CSMD1: variants seen among roughly 807,000 people sequenced by gnomAD.
The protein encoded by CSMD1 is CUB and sushi domain-containing protein 1.
A neutral mutation model predicts 417.5 loss-of-function variants in CSMD1; 213 were observed. The observed-to-expected ratio is 0.51, with a 90% CI of 0.46 to 0.57. CSMD1 has a LOEUF of 0.57. CSMD1 is among the 20% of genes least tolerant of loss of function. The pLI, the probability that CSMD1 is intolerant of heterozygous loss-of-function variation, is 0.00. For synonymous variants in CSMD1, 2,862 were observed against 1,736.8 expected (o/e 1.65, Z -16.11); for missense variants, 6,923 against 4,529.7 (o/e 1.53, Z -15.17).
At chr8:3,988,779 C>G (rs1394015248) in intron 5 of CSMD1, among the ~76,000 whole-genome samples, 1 of 152,178 alleles carries the variant, frequency 6.6e-6, no homozygotes, top group African/African-American at 2.4e-5. Flanking sequence ...TGAAACAATG[C>G]TGATTATGGT....
chr8:4,080,206 T>G (rs990776066), intron 3 of CSMD1, among the ~76,000 whole-genome samples: 1 of 152,048 alleles, frequency 6.6e-6, no homozygotes, highest in Non-Finnish European at 1.5e-5. Context: ...AGCTCCCCAG[T>G]AGTAATAGTT....
intron 3 of CSMD1, among the ~76,000 whole-genome samples, chr8:4,110,981 G>C (rs1036096083): frequency 6.6e-6 from 1 of 152,208 alleles, no homozygotes. Flanking sequence ...AATGCAATCT[G>C]AGCTGGAACA....
At chr8:3,230,356 G>T in intron 26 of CSMD1, 125 bp from the exon 27 acceptor site, 1 of 596,458 alleles carries the variant, frequency 1.7e-6, no homozygotes, top group Non-Finnish European at 2.7e-6. Context: ...GTCTACACAT[G>T]AACATACGAA....
At chr8:3,467,308 G>A (rs1314175388) in intron 12 of CSMD1, among the ~76,000 whole-genome samples, 2 of 152,174 alleles carry the variant, frequency 1.3e-5, no homozygotes, top group Non-Finnish European at 2.9e-5. Flanking sequence ...ACTGCAATTT[G>A]CCCTGTTGGG....
intron 5 of CSMD1, among the ~76,000 whole-genome samples, chr8:3,832,198 G>T (rs75824585): frequency 2.0e-5 from 3 of 152,106 alleles, no homozygotes; most frequent in Admixed American, 2.0e-4. Context: ...GAGTCACGTG[G>T]GATGGAATAA....
intron 7 of CSMD1, among the ~76,000 whole-genome samples, chr8:3,662,625 C>A (rs1161850869): frequency 9.9e-5 from 15 of 152,144 alleles, no homozygotes; most frequent in Admixed American, 3.9e-4. Context: ...CACTGTCTTC[C>A]AGAATGGTTG....
At chr8:4,595,138 C>T (rs368098846) in intron 2 of CSMD1, among the ~76,000 whole-genome samples, 2 of 151,928 alleles carry the variant, frequency 1.3e-5, no homozygotes, top group African/African-American at 2.4e-5. Context: ...TTCTGAGCAT[C>T]CTCATTTAGT....
chr8:3,887,002 T>G (rs554646646), intron 5 of CSMD1, among the ~76,000 whole-genome samples: 5 of 152,278 alleles, frequency 3.3e-5, no homozygotes, highest in African/African-American at 7.2e-5. Context: ...ATTGATCACC[T>G]GGTACCACAT....
At chr8:4,156,237 T>A (rs1796827371) in intron 3 of CSMD1, among the ~76,000 whole-genome samples, 1 of 152,130 alleles carries the variant, frequency 6.6e-6, no homozygotes, top group Non-Finnish European at 1.5e-5. Flanking sequence ...GGTAGCAAAA[T>A]CTTTCTTTTT....
intron 26 of CSMD1, among the ~76,000 whole-genome samples, chr8:3,270,445 C>T (rs1585871078): frequency 6.6e-6 from 1 of 152,028 alleles, no homozygotes; most frequent in African/African-American, 2.4e-5. Context: ...AGAAAATTTA[C>T]CAGGTGATAG....
chr8:3,783,004 T>C (rs1434800207), intron 5 of CSMD1, among the ~76,000 whole-genome samples: 1 of 152,124 alleles, frequency 6.6e-6, no homozygotes, highest in Non-Finnish European at 1.5e-5. Context: ...AAGCACAACG[T>C]CCTATAGCAC....
intron 52 of CSMD1, among the ~76,000 whole-genome samples, chr8:3,003,605 G>A (rs1807605648): frequency 6.6e-6 from 1 of 152,160 alleles, no homozygotes; most frequent in African/African-American, 2.4e-5. Flanking sequence ...ATGATTTGTT[G>A]TGGGTTGCAA....
chr8:3,158,938 G>A (rs913314541), intron 38 of CSMD1, among the ~76,000 whole-genome samples: 3 of 152,066 alleles, frequency 2.0e-5, no homozygotes, highest in Non-Finnish European at 2.9e-5. Context: ...ATGGCAAACC[G>A]ATTCCCTAAG....
At chr8:4,409,849 T>C (rs187217735) in intron 3 of CSMD1, among the ~76,000 whole-genome samples, 5 of 152,252 alleles carry the variant, frequency 3.3e-5, no homozygotes, top group African/African-American at 1.2e-4. Flanking sequence ...AGTCTCACTC[T>C]GTTGCCCAGG....
intron 2 of CSMD1, among the ~76,000 whole-genome samples, 176 bp downstream of exon 2, chr8:4,637,166 G>A (rs1563356769): frequency 6.6e-6 from 1 of 152,032 alleles, no homozygotes; most frequent in Non-Finnish European, 1.5e-5. Flanking sequence ...CCATCTTTAA[G>A]AGCTGGAAAA....
At chr8:4,256,259 C>G (rs969643344) in intron 3 of CSMD1, among the ~76,000 whole-genome samples, 4 of 152,034 alleles carry the variant, frequency 2.6e-5, no homozygotes, top group Non-Finnish European at 5.9e-5. Context: ...GCTTTGAGTC[C>G]CTTAACAGAG....
chr8:3,455,913 A>C (rs1400886425), intron 12 of CSMD1, among the ~76,000 whole-genome samples: 1 of 152,172 alleles, frequency 6.6e-6, no homozygotes, highest in Non-Finnish European at 1.5e-5. Flanking sequence ...CCAGAGGTGG[A>C]GTCTACAGAG....
At chr8:3,319,945 A>G (rs1443849458) in intron 23 of CSMD1, among the ~76,000 whole-genome samples, 1 of 152,150 alleles carries the variant, frequency 6.6e-6, no homozygotes, top group Non-Finnish European at 1.5e-5. Context: ...AGCTCTGGTT[A>G]ATTTATTGTT....
chr8:3,505,384 G>C (rs1203511109), intron 10 of CSMD1, among the ~76,000 whole-genome samples: 1 of 152,106 alleles, frequency 6.6e-6, no homozygotes, highest in East Asian at 1.9e-4. Flanking sequence ...GAAAGCAAAA[G>C]ATATTGAAGT....
Sources: allele counts gnomAD v4.1 joint callset (sites outside exome capture counted in the v4.1 genomes callset), GRCh38; gene constraint gnomAD v4.1.1; transcripts MANE v1.5; gene names NCBI Gene and HGNC (gene_info 2026-07-23, HGNC 2026-07-21).